The following PDE10A variants were observed in gnomAD, a reference collection of about 807,000 sequenced individuals.
The protein encoded by PDE10A is cAMP and cAMP-inhibited cGMP 3',5'-cyclic phosphodiesterase 10A.
In PDE10A, 39 loss-of-function variants were observed where a neutral mutation model predicts 97.7. That is an observed-to-expected ratio of 0.40 (90% CI 0.31 to 0.52). The LOEUF is 0.52. Among genes scored for constraint, PDE10A ranks in the 20% least tolerant of loss-of-function variants. The pLI, the probability that PDE10A is intolerant of heterozygous loss-of-function variation, is 0.56. For missense variants in PDE10A, 731 were observed against 1,047.8 expected (o/e 0.70, Z 4.17); for synonymous variants, 371 against 376.8 (o/e 0.98, Z 0.18).
chr6:165,382,068 C>A (rs1030456414), intron 17 of PDE10A, among the ~76,000 whole-genome samples: 1 of 152,216 alleles, frequency 6.6e-6, no homozygotes, highest in Non-Finnish European at 1.5e-5. Flanking sequence ...TTTACACCCA[C>A]GAATGTTTCT....
At chr6:165,680,414 C>T (rs1224633680) in intron 1 of PDE10A, among the ~76,000 whole-genome samples, 3 of 152,190 alleles carry the variant, frequency 2.0e-5, no homozygotes, top group South Asian at 4.1e-4. Context: ...CTTCCAGCTA[C>T]AATCGGAGGT....
chr6:165,950,957 C>A (rs1330308654), intron 1 of PDE10A, among the ~76,000 whole-genome samples: 1 of 152,212 alleles, frequency 6.6e-6, no homozygotes, highest in Admixed American at 6.5e-5. Context: ...ATCCTGATTT[C>A]TTTGGACATT....
intron 1 of PDE10A, among the ~76,000 whole-genome samples, chr6:165,646,931 A>T (rs1433585368): frequency 6.6e-6 from 1 of 152,206 alleles, no homozygotes; most frequent in African/African-American, 2.4e-5. Flanking sequence ...CAGAATTTTT[A>T]ATTAAAATTA....
At chr6:165,593,552 A>G (rs1026824076) in intron 1 of PDE10A, among the ~76,000 whole-genome samples, 3 of 152,204 alleles carry the variant, frequency 2.0e-5, no homozygotes, top group African/African-American at 7.2e-5. Context: ...CAATAAACCT[A>G]AAAAAGGAGC....
At chr6:165,751,763 G>C (rs895507270) in intron 1 of PDE10A, among the ~76,000 whole-genome samples, 6 of 152,176 alleles carry the variant, frequency 3.9e-5, no homozygotes, top group Admixed American at 6.5e-5. Flanking sequence ...TGACTCGGAA[G>C]TTACCATCCC....
At position 165,819,841 on chromosome 6, in the gene PDE10A, G is replaced by C. The variant is rs192745116; in HGVS notation, c.-615+167688C>G. Among the ~76,000 whole-genome samples, 41 of 152,296 alleles carry C rather than the reference G, an allele frequency of 2.7e-4. No homozygotes were observed. Among genetic ancestry groups the C allele is most frequent in the African/African-American group, 9.6e-4 (40 of 41,556 alleles). On this transcript the variant is annotated intron_variant, in intron 1 of 19. Transcript: ENST00000366882. This position sits in a 1 kb window ranked among gnomAD's most constrained non-coding sequence, Gnocchi z 4.2. ...TAAATGAATACATGAATGAATGATG[G>C]ACTGAAATCATCATATTACTACATT... is the stretch of plus-strand genomic sequence containing the variant.
intron 1 of PDE10A, among the ~76,000 whole-genome samples, chr6:165,818,003 C>A (rs1779466866): frequency 6.6e-6 from 1 of 152,222 alleles, no homozygotes; most frequent in Admixed American, 6.5e-5. Flanking sequence ...CATCGTACTT[C>A]ACACGGTGGC....
Position 165,822,988 on chromosome 6 carries a change from C to T in PDE10A, c.-615+164541G>A, listed in dbSNP as rs549658999. Among the ~76,000 whole-genome samples, 17 of 152,122 alleles carry T rather than the reference C, an allele frequency of 1.1e-4. No homozygotes were observed. In the South Asian group the frequency reaches 3.5e-3, roughly 32 times the overall value. On this transcript the variant is annotated intron_variant, in intron 1 of 19. Coordinates refer to the PDE10A transcript ENST00000366882. ...AGCTGAGACAACAGGCACCTGCCACCACGCCCGGCTAATTTTCGTATTTTT... is the reference window on the plus strand; with the variant it reads ...AGCTGAGACAACAGGCACCTGCCACTACGCCCGGCTAATTTTCGTATTTTT...
chr6:165,383,795 T>A (rs916942760), intron 17 of PDE10A, among the ~76,000 whole-genome samples: 4 of 152,156 alleles, frequency 2.6e-5, no homozygotes, highest in Non-Finnish European at 5.9e-5. Flanking sequence ...CTAAGATGTA[T>A]GTATGCTTGA....
intron 1 of PDE10A, among the ~76,000 whole-genome samples, chr6:165,910,336 A>T (rs1169547296): frequency 3.3e-5 from 5 of 152,168 alleles, no homozygotes; most frequent in African/African-American, 1.2e-4. Context: ...TTTACATTCC[A>T]ACTCCCTCCC....
At chr6:165,906,134 C>T (rs937141886) in intron 1 of PDE10A, among the ~76,000 whole-genome samples, 1 of 137,398 alleles carries the variant, frequency 7.3e-6, no homozygotes, top group Admixed American at 7.6e-5. Context: ...TCCTTATTTC[C>T]CCACATGAGA....
intron 1 of PDE10A, among the ~76,000 whole-genome samples, chr6:165,827,435 G>A (rs1487558167): frequency 2.6e-5 from 4 of 152,192 alleles, no homozygotes; most frequent in Non-Finnish European, 5.9e-5. Flanking sequence ...GAATGTGGTG[G>A]TCTCTCCAAT....
intron 1 of PDE10A, among the ~76,000 whole-genome samples, chr6:165,720,510 A>C (rs1268437018): frequency 1.3e-5 from 2 of 152,204 alleles, no homozygotes; most frequent in Non-Finnish European, 2.9e-5. Flanking sequence ...CTAAAGAATA[A>C]AAAATCAGAA....
chr6:165,796,175 C>A (rs778156533), intron 1 of PDE10A, among the ~76,000 whole-genome samples: 10 of 148,600 alleles, frequency 6.7e-5, no homozygotes, highest in African/African-American at 2.2e-4. Flanking sequence ...GGCTCACTGC[C>A]AGCTCCGCCT....
intron 1 of PDE10A, among the ~76,000 whole-genome samples, chr6:165,608,978 G>GT (rs573270996): frequency 0.011 from 1,627 of 152,162 alleles, 27 homozygotes; most frequent in African/African-American, 0.037. Flanking sequence ...TTGTAAATTT[G>GT]TTTGAGTTCT....
At chr6:165,782,303 A>C (rs1778361383) in intron 1 of PDE10A, among the ~76,000 whole-genome samples, 1 of 152,204 alleles carries the variant, frequency 6.6e-6, no homozygotes, top group African/African-American at 2.4e-5. Context: ...TGCTGATTTA[A>C]GTCTGCTCAC....
intron 1 of PDE10A, among the ~76,000 whole-genome samples, chr6:165,584,076 C>T (rs1006104530): frequency 6.6e-6 from 1 of 152,168 alleles, no homozygotes; most frequent in African/African-American, 2.4e-5. Context: ...GGAAATGGAG[C>T]TGCTACTATC....
intron 13 of PDE10A, among the ~76,000 whole-genome samples, chr6:165,403,015 C>A (rs76355878): frequency 0.016 from 2,481 of 152,276 alleles, 72 homozygotes; most frequent in African/African-American, 0.057. Context: ...TCTTGTCCAT[C>A]ATTTACTAAT....
intron 18 of PDE10A, among the ~76,000 whole-genome samples, chr6:165,373,654 A>C (rs1784414192): frequency 6.6e-6 from 1 of 152,164 alleles, no homozygotes; most frequent in Non-Finnish European, 1.5e-5. Context: ...TAGTTCAACC[A>C]TTGTGGAAGT....
Sources: allele counts gnomAD v4.1 joint callset (sites outside exome capture counted in the v4.1 genomes callset), GRCh38; gene constraint gnomAD v4.1.1; non-coding constraint Gnocchi (gnomAD v3.1); transcripts MANE v1.5; gene names NCBI Gene and HGNC (gene_info 2026-07-23, HGNC 2026-07-21).